Variants in GRIK4 observed in about 807,000 individuals in gnomAD.
The protein encoded by GRIK4 is glutamate receptor ionotropic, kainate 4.
Under a neutral mutation model 104.9 loss-of-function variants are expected in GRIK4, and 40 were observed. That is an observed-to-expected ratio of 0.38 (90% CI 0.30 to 0.50). GRIK4 has a LOEUF of 0.50. Among genes scored for constraint, GRIK4 ranks in the 20% least tolerant of loss-of-function variants. The pLI, the probability that GRIK4 is intolerant of heterozygous loss-of-function variation, is 0.93. For missense variants in GRIK4, 1,047 were observed against 1,308.1 expected, an observed-to-expected ratio of 0.80 and a Z score of 3.08; for synonymous variants, 485 against 524.9, an observed-to-expected ratio of 0.92 and a Z score of 1.04.
chr11:120,634,735 G>T (rs943853588), intron 1 of GRIK4, among the ~76,000 whole-genome samples: 4 of 152,160 alleles, frequency 2.6e-5, no homozygotes, highest in Admixed American at 6.5e-5. Flanking sequence ...ACAGTGGGAG[G>T]TTCCTTGTGG....
At chr11:120,759,418 A>G (rs1277213911) in intron 3 of GRIK4, among the ~76,000 whole-genome samples, 4 of 152,172 alleles carry the variant, frequency 2.6e-5, no homozygotes, top group African/African-American at 7.2e-5. Context: ...TCCACTGTCC[A>G]CAGCCTCAGC....
intron 1 of GRIK4, among the ~76,000 whole-genome samples, chr11:120,614,930 C>T (rs182334234): frequency 3.3e-5 from 5 of 152,260 alleles, no homozygotes; most frequent in East Asian, 3.9e-4. Context: ...ACCCAGGAGG[C>T]GGAGCTTGCA....
intron 1 of GRIK4, among the ~76,000 whole-genome samples, chr11:120,523,926 CT>C (rs35679853): frequency 0.023 from 3,235 of 141,512 alleles, 75 homozygotes; most frequent in Admixed American, 0.085. Flanking sequence ...CTTCTGCATT[CT>C]TTTTTTTTTT....
chr11:120,750,685 T>A (rs1951534739), intron 3 of GRIK4, among the ~76,000 whole-genome samples: 1 of 152,172 alleles, frequency 6.6e-6, no homozygotes, highest in Non-Finnish European at 1.5e-5. Context: ...CCTCTGTTTC[T>A]ATCATTCTGT....
intron 1 of GRIK4, among the ~76,000 whole-genome samples, chr11:120,536,544 T>C (rs1421179117): frequency 2.0e-5 from 3 of 152,188 alleles, no homozygotes; most frequent in African/African-American, 4.8e-5. Context: ...TTTATCTGTT[T>C]ATTTATTCAG....
intron 20 of GRIK4, among the ~76,000 whole-genome samples, chr11:120,982,884 A>G (rs1430357604): frequency 6.6e-6 from 1 of 152,184 alleles, no homozygotes; most frequent in African/African-American, 2.4e-5. Context: ...GTCTGGCCTC[A>G]CATGGGGCCT....
Position 120,958,828 on chromosome 11 carries a change from A to G in GRIK4, c.1874+1875A>G, listed in dbSNP as rs1944225382. Among the ~76,000 whole-genome samples the G allele has an allele frequency of 2.0e-5, 3 of 152,036 alleles. No homozygotes were observed. The South Asian group carries it at 6.2e-4, about 32-fold the overall frequency. ...GGCTCATTAACCCCCAGCACACACCACCACAGCTAAGCAGCTGCAGAGTGC... is the reference window on the plus strand; with the variant it reads ...GGCTCATTAACCCCCAGCACACACCGCCACAGCTAAGCAGCTGCAGAGTGC... On this transcript the variant is annotated intron_variant, in intron 16 of 20. Coordinates refer to ENST00000527524, the MANE Select transcript of GRIK4 (RefSeq NM_014619.5).
rs1943661027 is a variant in GRIK4 at position 120,939,070 on chromosome 11, A to AGGTT, written c.1477-1272_1477-1269dup. Reference sequence around the variant, plus strand: ...CCTAGAGAAGTGAAGTGACTAGTCCAGGTTGGTTAGTTGGTTGTTAGAGTA... The same window carrying AGGTT: ...CCTAGAGAAGTGAAGTGACTAGTCCAGGTTGGTTGGTTAGTTGGTTGTTAGAGTA... On this transcript the variant is annotated intron_variant, in intron 13 of 20. Transcript: ENST00000527524. This position sits in a 1 kb window ranked among gnomAD's most constrained non-coding sequence, Gnocchi z 5.6. 1.3e-5 allele frequency among the ~76,000 whole-genome samples: 2 copies of AGGTT among 152,218 alleles called. No homozygotes were observed. Among genetic ancestry groups the AGGTT allele is most frequent in the African/African-American group, 4.8e-5 (2 of 41,452 alleles).
At chr11:120,832,223 C>T (rs762611950) in intron 7 of GRIK4, among the ~76,000 whole-genome samples, 193 bp downstream of exon 7, 7 of 152,112 alleles carry the variant, frequency 4.6e-5, no homozygotes, top group South Asian at 2.1e-4. Flanking sequence ...AGGGTGATGT[C>T]GTTTTCAGCA....
intron 20 of GRIK4, among the ~76,000 whole-genome samples, chr11:120,982,777 C>A (rs559296645): frequency 1.3e-5 from 2 of 152,300 alleles, no homozygotes; most frequent in African/African-American, 4.8e-5. Flanking sequence ...GCCTCTATCT[C>A]AGTCTCCCAA....
intron 1 of GRIK4, among the ~76,000 whole-genome samples, chr11:120,565,916 C>G (rs182007349): frequency 1.3e-5 from 2 of 152,244 alleles, no homozygotes; most frequent in Non-Finnish European, 2.9e-5. Context: ...TTGAGACACA[C>G]GTGGTTATTC....
At chr11:120,906,724 G>A (rs188360605) in intron 13 of GRIK4, among the ~76,000 whole-genome samples, 177 of 152,342 alleles carry the variant, frequency 1.2e-3, no homozygotes, top group African/African-American at 4.1e-3. Flanking sequence ...GATGAGAACT[G>A]TGGAAAAGGT....
In GRIK4 at chr11:120,513,392, T is replaced by G. The variant is rs1947685445; in HGVS notation, c.-159+1505T>G. On this transcript the variant is annotated intron_variant, in intron 1 of 20. Transcript: ENST00000527524. The surrounding 1 kb of genome is among the most constrained non-coding windows in gnomAD (Gnocchi z 4.5). Reference sequence around the variant, plus strand: ...GGTCCTGCCTGACTCCCTGACTGTCTGTGCTCGCGTGGTCAGGGGCGAGGG... The same window carrying G: ...GGTCCTGCCTGACTCCCTGACTGTCGGTGCTCGCGTGGTCAGGGGCGAGGG... Among the ~76,000 whole-genome samples, 1 of 152,112 alleles carries G rather than the reference T, an allele frequency of 6.6e-6. No homozygotes were observed. Among genetic ancestry groups the G allele is most frequent in the Non-Finnish European group, 1.5e-5 (1 of 68,010 alleles).
chr11:120,549,262 C>T lies in GRIK4; in HGVS notation c.-159+37375C>T, dbSNP rs1591687571. Among the ~76,000 whole-genome samples the T allele has an allele frequency of 6.6e-6, 1 of 151,532 alleles. No homozygotes were observed. Among genetic ancestry groups the T allele is most frequent in the Non-Finnish European group, 1.5e-5 (1 of 67,994 alleles). On this transcript the variant is annotated intron_variant, in intron 1 of 20. Coordinates refer to ENST00000527524, the MANE Select transcript of GRIK4 (RefSeq NM_014619.5). This position sits in a 1 kb window ranked among gnomAD's most constrained non-coding sequence, Gnocchi z 4.7. Reference sequence around the variant, plus strand: ...TACAGGCACACGCCACTACACCTGGCTAATTTTTGTATATATTTTTTTTTA... The same window carrying T: ...TACAGGCACACGCCACTACACCTGGTTAATTTTTGTATATATTTTTTTTTA...
intron 2 of GRIK4, among the ~76,000 whole-genome samples, chr11:120,655,232 A>G (rs1949688417): frequency 6.6e-6 from 1 of 151,632 alleles, no homozygotes; most frequent in Admixed American, 6.6e-5. Flanking sequence ...AGAAGCCTCG[A>G]GGGGAGCTGA....
intron 1 of GRIK4, among the ~76,000 whole-genome samples, chr11:120,521,996 C>A (rs1947801230): frequency 1.3e-5 from 2 of 152,194 alleles, no homozygotes; most frequent in African/African-American, 4.8e-5. Flanking sequence ...TAAGTTGATT[C>A]TCCAGCCAAC....
At position 120,644,042 on chromosome 11, in the gene GRIK4, T is replaced by A. The variant is rs1310072640; in HGVS notation, c.-158-9643T>A. 2.5e-3 allele frequency among the ~76,000 whole-genome samples: 295 copies of A among 117,814 alleles called. 1 individual carries two copies. The highest frequency in any genetic ancestry group is 0.012 in the African/African-American group (281 of 23,616). The allele number at this position is 117,814 out of a possible 152,430, so 77.3% of individuals were successfully genotyped here. A position where few individuals can be genotyped will look rare whatever the true frequency, so the allele number is the denominator to read the frequency against. ...GTGTGTGTGTGTGTGTGTGTGTGTG[T>A]GTGAGAGAGAGAGAGAGGAGAGAGA... On this transcript the variant is annotated intron_variant, in intron 1 of 20. Transcript: ENST00000527524.
At chr11:120,857,119 TTCCTCTCA>T (rs1274828786) in intron 8 of GRIK4, among the ~76,000 whole-genome samples, 4 of 152,166 alleles carry the variant, frequency 2.6e-5, no homozygotes, top group Non-Finnish European at 4.4e-5. Flanking sequence ...AGACCCTCTC[TTCCTCTCA>T]TCCTCCAACA....
chr11:120,960,559 A>G (rs1330708687), intron 16 of GRIK4, among the ~76,000 whole-genome samples: 1 of 152,238 alleles, frequency 6.6e-6, no homozygotes, highest in African/African-American at 2.4e-5. Flanking sequence ...AGCTCTGAAC[A>G]GAGCCCTTGG....
Sources: gnomAD v4.1 joint callset for allele counts (sites outside exome capture counted in the v4.1 genomes callset) on GRCh38, gnomAD v4.1.1 for gene constraint, Gnocchi (gnomAD v3.1) non-coding constraint, MANE v1.5 for transcripts, NCBI Gene and HGNC (gene_info 2026-07-23, HGNC 2026-07-21) for gene names.